Variants in NEB observed in about 807,000 individuals in gnomAD.
NEB encodes nebulin, also known as nemaline myopathy type 2.
Under a neutral mutation model 952.2 loss-of-function variants are expected in NEB, and 512 were observed. The ratio of observed to expected loss-of-function variants is 0.54; its 90% confidence interval spans 0.50 to 0.58. NEB has a LOEUF of 0.58. Among genes scored for constraint, NEB ranks in the 20% least tolerant of loss-of-function variants. The probability of loss-of-function intolerance (pLI) is 0.00; values close to 1 mark genes in which losing one functional copy is unlikely to be tolerated. For synonymous variants in NEB, 2,900 were observed against 3,149.8 expected, an observed-to-expected ratio of 0.92 and a Z score of 2.66; for missense variants, 8,428 against 9,231.1, an observed-to-expected ratio of 0.91 and a Z score of 3.56.
chr2:151,706,016 TAA>T (rs1346896950), intron 13 of NEB, among the ~76,000 whole-genome samples: 1 of 152,180 alleles, frequency 6.6e-6, no homozygotes, highest in African/African-American at 2.4e-5. Flanking sequence ...CAATCAACAC[TAA>T]AGAACTTTTC....
intron 165 of NEB, among the ~76,000 whole-genome samples, chr2:151,505,072 T>TA (rs1282333304): frequency 6.6e-6 from 1 of 152,088 alleles, no homozygotes; most frequent in Non-Finnish European, 1.5e-5. Context: ...ACACATGTTT[T>TA]ATATATATAC....
chr2:151,492,085 C>G lies in NEB; in HGVS notation c.25057+13G>C, dbSNP rs1253111505. On this transcript the variant is annotated intron_variant, in intron 178 of 181. Coordinates refer to ENST00000397345, the MANE Select transcript of NEB (RefSeq NM_001164508.2). Reference sequence around the variant, plus strand: ...TTAAAGTTAATCCCCTCCCCCAACCCAGGCTCAGTTACCTGTAATAGTCTC... The same window carrying G: ...TTAAAGTTAATCCCCTCCCCCAACCGAGGCTCAGTTACCTGTAATAGTCTC... 1 of 1,613,172 alleles carries G rather than the reference C, an allele frequency of 6.2e-7. No individual in the cohort carries two copies. Among genetic ancestry groups the G allele is most frequent in the African/African-American group, 1.3e-5 (1 of 74,920 alleles).
rs530498417 is a variant in NEB, at chr2:151,653,882, G to A, written c.6915+110C>T. On this transcript the variant is annotated intron_variant, in intron 52 of 181. Coordinates refer to ENST00000397345, the MANE Select transcript of NEB (RefSeq NM_001164508.2). ...AATGAAGAGGGTAGGAGAAAATGAA[G>A]GAAGCATTATATTTTGAAAGGTAAA... 44 of 644,480 alleles carry A rather than the reference G, an allele frequency of 6.8e-5. No individual in the cohort carries two copies. In the African/African-American group the frequency reaches 7.9e-4, roughly 12 times the overall value. The allele number at this position is 644,480 out of a possible 1,614,324, so 39.9% of individuals were successfully genotyped here. A position where few individuals can be genotyped will look rare whatever the true frequency, so the allele number is the denominator to read the frequency against.
At position 151,726,098 on chromosome 2, in the gene NEB, A is replaced by T. The variant is rs577263334; in HGVS notation, c.295-538T>A. On this transcript the variant is annotated intron_variant, in intron 5 of 181. Coordinates refer to ENST00000397345, the MANE Select transcript of NEB (RefSeq NM_001164508.2). ...TTCTTGCTTTAATGATAATGTGCAT[A>T]ATTTATCATTATAAATGTTTTGGGA... Among the ~76,000 whole-genome samples, 4 of 152,310 alleles carry T rather than the reference A, an allele frequency of 2.6e-5. No individual in the cohort carries two copies. The East Asian group carries it at 7.7e-4, about 29-fold the overall frequency.
In NEB at chr2:151,696,646, T is replaced by C. The variant is rs1201320454; in HGVS notation, c.1560A>G (p.Gln520=). ...AGTTAGAGGAACTTACGTCACTCAG[T>C]TGTTTGGAATTGACTTGGGCTTGTA... ...VLLQAQVNSK[Q]LSDLNYKAKH... is the part of the protein sequence containing the mutation. Residue 520 remains glutamine (Q), a synonymous_variant, in exon 17 of 182, where the codon CAA becomes CAG. Transcript: ENST00000397345. 2 of 1,612,736 alleles carry C rather than the reference T, an allele frequency of 1.2e-6. No homozygotes were observed. Among genetic ancestry groups the C allele is most frequent in the Admixed American group, 1.7e-5 (1 of 60,022 alleles).
chr2:151,617,485 A>AGAG lies in NEB; in HGVS notation c.11077-18_11077-17insCTC. 6 of 1,389,186 alleles carry AGAG rather than the reference A, an allele frequency of 4.3e-6. No individual in the cohort carries two copies. Among genetic ancestry groups the AGAG allele is most frequent in the Non-Finnish European group, 3.9e-6 (4 of 1,029,600 alleles). The allele number at this position is 1,389,186 out of a possible 1,614,324, so 86.1% of individuals were successfully genotyped here. The stretch of plus-strand genomic sequence containing the variant: ...ATATAAGCGCTACAAAAAAAAAAAA[A>AGAG]AAAGAGAGAGAGAGAGAGAAAAATT... On this transcript the variant is annotated splice_polypyrimidine_tract_variant and intron_variant, in intron 74 of 181. Transcript: ENST00000397345.
intron 164 of NEB, 193 bp downstream of exon 164, chr2:151,505,973 C>T (rs1306735518): frequency 6.6e-6 from 4 of 608,422 alleles, no homozygotes; most frequent in Non-Finnish European, 1.2e-5. Flanking sequence ...CTAATCTCTC[C>T]CTCATGAAAA....
intron 36 of NEB, among the ~76,000 whole-genome samples, chr2:151,673,820 G>A (rs113750553): frequency 7.0e-5 from 10 of 143,022 alleles, no homozygotes; most frequent in Admixed American, 1.5e-4. Flanking sequence ...TGCAAGCTCC[G>A]CCTCCCGGGT....
intron 125 of NEB, 74 bp from the exon 126 acceptor site, chr2:151,554,099 G>T: frequency 7.0e-7 from 1 of 1,430,162 alleles, no homozygotes; most frequent in Non-Finnish European, 9.8e-7. Context: ...TGAGAAGTCA[G>T]GCTAACCAAC....
chr2:151,503,447 G>GAA lies in NEB; in HGVS notation c.23743-8_23743-7dup, dbSNP rs1450862249. The GAA allele has an allele frequency of 2.5e-6, 4 of 1,578,474 alleles. No homozygotes were observed. The highest frequency in any genetic ancestry group is 3.5e-6 in the Non-Finnish European group (4 of 1,148,290). On this transcript the variant is annotated splice_region_variant and splice_polypyrimidine_tract_variant and intron_variant, in intron 165 of 181. Coordinates refer to ENST00000397345, the MANE Select transcript of NEB (RefSeq NM_001164508.2). Reference sequence around the variant, plus strand: ...AAGTTTTCTTTGTACATAACCTGTAGAAAATAATTAGAATACCCAGAAAGG... The same window carrying GAA: ...AAGTTTTCTTTGTACATAACCTGTAGAAAAAATAATTAGAATACCCAGAAAGG...
At chr2:151,704,393 T>C (rs2099693494) in intron 13 of NEB, among the ~76,000 whole-genome samples, 1 of 147,190 alleles carries the variant, frequency 6.8e-6, no homozygotes, top group South Asian at 2.3e-4. Flanking sequence ...TCCACCCAGT[T>C]CGAGCTTCCC....
chr2:151,637,103 C>G (rs557914760), intron 63 of NEB, among the ~76,000 whole-genome samples: 4 of 152,242 alleles, frequency 2.6e-5, no homozygotes, highest in Admixed American at 2.6e-4. Context: ...GTTGAGACCC[C>G]TCTCAACCTA....
chr2:151,568,777 G>A (rs1336431727), intron 110 of NEB, 61 bp from the exon 111 acceptor site: 8 of 1,204,222 alleles, frequency 6.6e-6, no homozygotes, highest in African/African-American at 1.5e-5. Flanking sequence ...GAACTGAGAA[G>A]ATACACTAAA....
In NEB at chr2:151,656,708, A is replaced by T. The variant is rs556307762; in HGVS notation, c.6184-244T>A. Among the ~76,000 whole-genome samples, 5 of 152,168 alleles carry T rather than the reference A, an allele frequency of 3.3e-5. No homozygotes were observed. The East Asian group carries it at 9.7e-4, about 29-fold the overall frequency. ...TCATTTTATAGATGAATAAGCTGAG[A>T]CCCAGAGAGCTGAGCAACCTGCTGA... On this transcript the variant is annotated intron_variant, in intron 48 of 181. Transcript: ENST00000397345.
chr2:151,631,461 C>A (rs991249443), intron 65 of NEB, 115 bp from the exon 66 acceptor site: 1 of 1,162,844 alleles, frequency 8.6e-7, no homozygotes, highest in Non-Finnish European at 1.2e-6. Context: ...AGAAAACAAG[C>A]GCGTTGTATA....
rs773807220 is a variant in NEB at position 151,644,082 on chromosome 2, A to T, written c.7692T>A (p.Gly2564=). The part of the protein sequence containing the change: ...GFRKQLGHHI[G]ARNIEDDPKM... Reference sequence around the variant, plus strand: ...TGGGGTCATCTTCAATGTTCCGGGCACCAATGTGGTGGCCGAGCTGCTTGC... The same window carrying T: ...TGGGGTCATCTTCAATGTTCCGGGCTCCAATGTGGTGGCCGAGCTGCTTGC... The change falls in exon 57 of 182, where the codon GGT becomes GGA. Residue 2564 remains glycine, a synonymous_variant. Coordinates refer to ENST00000397345, the MANE Select transcript of NEB (RefSeq NM_001164508.2). 7.4e-6 allele frequency: 12 copies of T among 1,613,968 alleles called. No homozygotes were observed. Among genetic ancestry groups the T allele is most frequent in the Non-Finnish European group, 8.5e-6 (10 of 1,179,888 alleles).
At chr2:151,626,888 C>T (rs538704145) in intron 70 of NEB, 114 bp downstream of exon 70, 2 of 1,296,460 alleles carry the variant, frequency 1.5e-6, no homozygotes, top group African/African-American at 1.5e-5. Flanking sequence ...AACTGAATCA[C>T]TATACATTGG....
intron 124 of NEB, among the ~76,000 whole-genome samples, chr2:151,556,887 A>G (rs945254154): frequency 1.3e-5 from 2 of 152,200 alleles, no homozygotes; most frequent in African/African-American, 4.8e-5. Flanking sequence ...GGAAATTTAT[A>G]GCACTAGATG....
At chr2:151,541,389 C>A in intron 136 of NEB, 58 bp downstream of exon 136, 1 of 1,354,376 alleles carries the variant, frequency 7.4e-7, no homozygotes, top group Admixed American at 1.9e-5. Flanking sequence ...TGAGGCCAGG[C>A]ACATATAATC....
Sources: allele counts gnomAD v4.1 joint callset (sites outside exome capture counted in the v4.1 genomes callset), GRCh38; gene constraint gnomAD v4.1.1; transcripts MANE v1.5; gene names NCBI Gene and HGNC (gene_info 2026-07-23, HGNC 2026-07-21).